FGF12: variants seen among roughly 807,000 people sequenced by gnomAD.
FGF12 encodes the protein fibroblast growth factor 12, also known as fibroblast growth factor 12B.
In FGF12, 14 loss-of-function variants were observed where a neutral mutation model predicts 23.6. The ratio of observed to expected loss-of-function variants is 0.59; its 90% CI spans 0.39 to 0.93. The LOEUF is 0.93. Ranked by LOEUF, FGF12 falls within the 40% of genes least tolerant of loss-of-function variation. FGF12 has a pLI of 0.00. For synonymous variants in FGF12, 62 were observed against 77.3 expected (o/e 0.80, Z 1.04); for missense variants, 175 against 217.8 (o/e 0.80, Z 1.24).
intron 4 of FGF12, among the ~76,000 whole-genome samples, chr3:192,287,321 T>C (rs902648806): frequency 6.6e-6 from 1 of 152,098 alleles, no homozygotes; most frequent in African/African-American, 2.4e-5. Flanking sequence ...TTGCCTATTG[T>C]CTCTCCAAGT....
chr3:192,691,143 A>G (rs1024675325), intron 2 of FGF12, among the ~76,000 whole-genome samples: 2 of 152,100 alleles, frequency 1.3e-5, no homozygotes, highest in Admixed American at 1.3e-4. Flanking sequence ...CAAAATATCA[A>G]TCATAAACTA....
chr3:192,388,650 T>C (rs1190273169), intron 2 of FGF12, among the ~76,000 whole-genome samples: 1 of 152,052 alleles, frequency 6.6e-6, no homozygotes, highest in Non-Finnish European at 1.5e-5. Flanking sequence ...ATATAGAAGG[T>C]AAAATTAAAA....
intron 2 of FGF12, among the ~76,000 whole-genome samples, chr3:192,578,363 C>T (rs1712996233): frequency 6.6e-6 from 1 of 152,086 alleles, no homozygotes; most frequent in African/African-American, 2.4e-5. Context: ...CCCAAGGTCA[C>T]GCAGCTAGGA....
chr3:192,585,646 C>T (rs1022125750), intron 2 of FGF12, among the ~76,000 whole-genome samples: 4 of 152,018 alleles, frequency 2.6e-5, no homozygotes, highest in Admixed American at 2.0e-4. Flanking sequence ...GGAGGGGTTG[C>T]GTGACATTTC....
intron 2 of FGF12, among the ~76,000 whole-genome samples, chr3:192,461,197 A>G (rs1297464206): frequency 1.3e-5 from 2 of 152,216 alleles, no homozygotes; most frequent in African/African-American, 4.8e-5. Flanking sequence ...TAACAAATAT[A>G]CCTTGAATTA....
rs575747444 is a variant in FGF12 at position 192,685,211 on chromosome 3, C to T, written c.13+41970G>A. On this transcript the variant is annotated intron_variant, in intron 2 of 5. Coordinates refer to ENST00000445105, the MANE Select transcript of FGF12 (RefSeq NM_004113.6). ...GATTACAGGGGCCCGCCACCACGCC[C>T]GGCTAATTTTTTTGTATTTTTAGTA... 1.2e-4 allele frequency among the ~76,000 whole-genome samples: 18 copies of T among 152,090 alleles called. No homozygotes were observed. The East Asian group carries it at 1.5e-3, about 13-fold the overall frequency.
chr3:192,725,632 T>C (rs1719187585), intron 2 of FGF12, among the ~76,000 whole-genome samples: 1 of 152,176 alleles, frequency 6.6e-6, no homozygotes, highest in African/African-American at 2.4e-5. Context: ...GAACAGGAAT[T>C]AGTATACACA....
intron 2 of FGF12, among the ~76,000 whole-genome samples, chr3:192,567,928 G>A (rs1032348577): frequency 1.3e-5 from 2 of 151,492 alleles, no homozygotes; most frequent in Middle Eastern, 3.4e-3. Flanking sequence ...CCCCTCCTAG[G>A]TGCAAGTGAT....
intron 2 of FGF12, among the ~76,000 whole-genome samples, chr3:192,426,105 C>T (rs1425482860): frequency 6.6e-6 from 1 of 152,200 alleles, no homozygotes; most frequent in Non-Finnish European, 1.5e-5. Flanking sequence ...TCTCCCACGG[C>T]TATACATAAC....
intron 2 of FGF12, among the ~76,000 whole-genome samples, chr3:192,393,238 G>A (rs2108763638): frequency 6.6e-6 from 1 of 152,278 alleles, no homozygotes; most frequent in Admixed American, 6.5e-5. Context: ...TTCTACGTAA[G>A]GGACTAACCT....
intron 2 of FGF12, among the ~76,000 whole-genome samples, chr3:192,368,090 C>T (rs1458666951): frequency 6.6e-6 from 1 of 152,020 alleles, no homozygotes; most frequent in Non-Finnish European, 1.5e-5. Context: ...ATCAACTCTC[C>T]CCCACCTCCC....
At chr3:192,424,129 G>A (rs1429879651) in intron 2 of FGF12, among the ~76,000 whole-genome samples, 1 of 150,948 alleles carries the variant, frequency 6.6e-6, no homozygotes, top group African/African-American at 2.4e-5. Context: ...AACGTCCCCA[G>A]TTAGCATATA....
intron 5 of FGF12, among the ~76,000 whole-genome samples, chr3:192,149,954 C>A (rs1290303975): frequency 2.5e-5 from 3 of 118,080 alleles, no homozygotes; most frequent in African/African-American, 9.4e-5. Flanking sequence ...GTTCCTATTT[C>A]TCCACGTCCT....
intron 2 of FGF12, among the ~76,000 whole-genome samples, chr3:192,422,564 C>G (rs975513600): frequency 1.3e-5 from 2 of 152,182 alleles, no homozygotes; most frequent in African/African-American, 2.4e-5. Flanking sequence ...AAGCCCTTCT[C>G]TATAACTCTG....
At chr3:192,389,079 G>T (rs1720177846) in intron 2 of FGF12, among the ~76,000 whole-genome samples, 1 of 152,152 alleles carries the variant, frequency 6.6e-6, no homozygotes, top group Non-Finnish European at 1.5e-5. Context: ...TTAATACATG[G>T]CCGGGCGCGG....
chr3:192,568,929 AG>A (rs1712467520), intron 2 of FGF12, among the ~76,000 whole-genome samples: 1 of 152,144 alleles, frequency 6.6e-6, no homozygotes, highest in Non-Finnish European at 1.5e-5. Context: ...AACCAACTTA[AG>A]GGTGTCCTTC....
chr3:192,522,871 G>T (rs1242084639), intron 2 of FGF12, among the ~76,000 whole-genome samples: 1 of 152,076 alleles, frequency 6.6e-6, no homozygotes, highest in Non-Finnish European at 1.5e-5. Flanking sequence ...ATGTGCATAC[G>T]TTCACGTTTA....
chr3:192,250,510 T>C (rs912488928), intron 4 of FGF12, among the ~76,000 whole-genome samples: 5 of 152,230 alleles, frequency 3.3e-5, no homozygotes, highest in African/African-American at 9.6e-5. Context: ...TATTCAAATA[T>C]TAGAAAAATA....
chr3:192,375,681 C>A (rs1201584690), intron 2 of FGF12, among the ~76,000 whole-genome samples: 1 of 150,644 alleles, frequency 6.6e-6, no homozygotes, highest in Non-Finnish European at 1.5e-5. Context: ...CCCCCAGACT[C>A]AACCCCCTCT....
Sources: gnomAD v4.1 joint callset for allele counts (sites outside exome capture counted in the v4.1 genomes callset) on GRCh38, gnomAD v4.1.1 for gene constraint, MANE v1.5 for transcripts, NCBI Gene and HGNC (gene_info 2026-07-23, HGNC 2026-07-21) for gene names.